Variants in PMM2 observed in about 807,000 individuals in gnomAD.
The protein encoded by PMM2 is mannose-6-phosphate isomerase.
A neutral mutation model predicts 33.2 loss-of-function variants in PMM2; 35 were observed. The ratio of observed to expected loss-of-function variants is 1.06; its 90% CI spans 0.81 to 1.40. PMM2 has a LOEUF of 1.40. PMM2 is among the 40% of genes most tolerant of loss of function. The pLI is 0.00. For synonymous variants in PMM2, 153 were observed against 114.7 expected, an observed-to-expected ratio of 1.33 and a Z score of -2.13; for missense variants, 386 against 306.0, an observed-to-expected ratio of 1.26 and a Z score of -1.95.
chr16:8,818,799 G>T (rs1472215361), intron 7 of PMM2, among the ~76,000 whole-genome samples: 4 of 152,204 alleles, frequency 2.6e-5, no homozygotes, highest in Non-Finnish European at 5.9e-5. Context: ...AAAAGCCAGT[G>T]TTTCTTAAAA....
chr16:8,803,586 T>C (rs1214439584), intron 2 of PMM2, among the ~76,000 whole-genome samples: 2 of 152,248 alleles, frequency 1.3e-5, no homozygotes, highest in African/African-American at 4.8e-5. Flanking sequence ...TTTTAACAGG[T>C]ACCTGAAGTT....
chr16:8,806,399 G>C lies in PMM2; in HGVS notation c.339G>C (p.Pro113=). Residue 113 remains proline (P), a synonymous_variant, in exon 4 of 8, where the codon CCG becomes CCC. Coordinates refer to ENST00000268261, the MANE Select transcript of PMM2 (RefSeq NM_000303.3). ...GCTACATTGCGAAAATTAAACTCCC[G>C]AAGAAGAGGTGGGTTTGCTTTTAAC... is the stretch of plus-strand genomic sequence containing the variant. ...CLSYIAKIKL[P]KKRGTFIEFR... 1.9e-6 allele frequency: 3 copies of C among 1,609,372 alleles called. No homozygotes were observed. The South Asian group carries it at 3.3e-5, about 18-fold the overall frequency.
At chr16:8,841,181 G>A (rs1456143329) in intron 7 of PMM2, among the ~76,000 whole-genome samples, 1 of 151,162 alleles carries the variant, frequency 6.6e-6, no homozygotes, top group Non-Finnish European at 1.5e-5. Context: ...AGGACTGTAA[G>A]GGATATGAAG....
chr16:8,825,444 C>T (rs547372180), intron 7 of PMM2, among the ~76,000 whole-genome samples: 2 of 151,934 alleles, frequency 1.3e-5, no homozygotes, highest in Admixed American at 1.3e-4. Context: ...TCCTGCCTCC[C>T]AAGTAGCTGG....
At chr16:8,804,656 A>C in intron 2 of PMM2, 111 bp from the exon 3 acceptor site, 1 of 763,936 alleles carries the variant, frequency 1.3e-6, no homozygotes, top group Admixed American at 2.0e-5. Flanking sequence ...ATAGTCTTTC[A>C]CAGTCCTTGC....
chr16:8,835,216 A>G (rs541737617), intron 7 of PMM2, among the ~76,000 whole-genome samples: 11,600 of 119,176 alleles, frequency 0.097, 431 homozygotes, highest in Middle Eastern at 0.22. Flanking sequence ...TTCTGACCGC[A>G]CTAACCATGC....
At chr16:8,837,950 T>C (rs1432932852) in intron 7 of PMM2, among the ~76,000 whole-genome samples, 1 of 151,856 alleles carries the variant, frequency 6.6e-6, no homozygotes, top group Non-Finnish European at 1.5e-5. Context: ...GGAATTGAAA[T>C]TAAGGGAGAG....
chr16:8,847,878 G>C lies in PMM2; in HGVS notation c.*53G>C, dbSNP rs762640350. 198 of 1,393,062 alleles carry C rather than the reference G, an allele frequency of 1.4e-4. No homozygotes were observed. The highest frequency in any genetic ancestry group is 2.0e-4 in the Middle Eastern group (1 of 5,086). The allele number at this position is 1,393,062 out of a possible 1,614,324, so 86.3% of individuals were successfully genotyped here. A position where few individuals can be genotyped will look rare whatever the true frequency, so the allele number is the denominator to read the frequency against. The stretch of plus-strand genomic sequence containing the variant: ...GCTGACAAGCCAGCATAGGGCATTC[G>C]GTGGCCAGAGCCGAGGGTCCTCCCA... On this transcript the variant is annotated 3_prime_UTR_variant, in exon 8 of 8. Coordinates refer to ENST00000268261, the MANE Select transcript of PMM2 (RefSeq NM_000303.3).
Position 8,843,698 on chromosome 16 carries a change from G to A in PMM2, c.640-4026G>A, listed in dbSNP as rs556917471. On this transcript the variant is annotated intron_variant, in intron 7 of 7. Coordinates refer to ENST00000268261, the MANE Select transcript of PMM2 (RefSeq NM_000303.3). Reference sequence around the variant, plus strand: ...CTATTATTGTACACCTTGAAGGTGAGGTTAATTAAGTCCTGTTGTGGAGTT... The same window carrying A: ...CTATTATTGTACACCTTGAAGGTGAAGTTAATTAAGTCCTGTTGTGGAGTT... Among the ~76,000 whole-genome samples the A allele has an allele frequency of 7.9e-5, 12 of 152,284 alleles. No homozygotes were observed. In the East Asian group the frequency reaches 1.7e-3, roughly 22 times the overall value.
In PMM2 at chr16:8,826,605, T is replaced by C. The variant is rs1177818526; in HGVS notation, c.639+13499T>C. ...CATCAATAATCTTTAAAACTATCTT[T>C]ATTTACCAAAGATTACTAACGTCAT... On this transcript the variant is annotated intron_variant, in intron 7 of 7. Coordinates refer to ENST00000268261, the MANE Select transcript of PMM2 (RefSeq NM_000303.3). Among the ~76,000 whole-genome samples, 4 of 152,282 alleles carry C rather than the reference T, an allele frequency of 2.6e-5. No individual in the cohort carries two copies. The East Asian group carries it at 7.7e-4, about 29-fold the overall frequency.
intron 7 of PMM2, among the ~76,000 whole-genome samples, chr16:8,821,420 T>C (rs1359447077): frequency 1.3e-5 from 2 of 152,178 alleles, no homozygotes; most frequent in East Asian, 1.9e-4. Context: ...GTCCCAGGAA[T>C]AGGACTGTGG....
chr16:8,832,134 C>T (rs1035295953), intron 7 of PMM2: 12 of 985,286 alleles, frequency 1.2e-5, no homozygotes, highest in Admixed American at 6.1e-5. Context: ...CTCTGGTATG[C>T]AAGCTCGACA....
rs886043289 is a variant in PMM2, at chr16:8,811,083, A to G, written c.352A>G (p.Thr118Ala). Residue 118 changes from threonine to alanine, a missense_variant, in exon 5 of 8, where the codon ACT (threonine) becomes GCT (alanine). Physicochemically the swap from Thr to Ala is moderately conservative, Grantham distance 58. Coordinates refer to ENST00000268261, the MANE Select transcript of PMM2 (RefSeq NM_000303.3). ...CTGTCACCCTTTCATTCCCAGGGGT[A>G]CTTTCATTGAATTCCGAAATGGGAT... ...AKIKLPKKRGTFIEFRNGMLN... is the reference protein window; with the variant it reads ...AKIKLPKKRGAFIEFRNGMLN... 2 of 1,550,430 alleles carry G rather than the reference A, an allele frequency of 1.3e-6. No individual in the cohort carries two copies. Among genetic ancestry groups the G allele is most frequent in the South Asian group, 1.2e-5 (1 of 85,410 alleles).
intron 7 of PMM2, among the ~76,000 whole-genome samples, chr16:8,836,899 C>T (rs967123714): frequency 1.3e-5 from 2 of 151,960 alleles, no homozygotes; most frequent in African/African-American, 4.8e-5. Flanking sequence ...ATGCCTTTAG[C>T]TCCAGCCACC....
intron 7 of PMM2, among the ~76,000 whole-genome samples, chr16:8,827,114 G>A (rs1202583348): frequency 6.6e-6 from 1 of 152,126 alleles, no homozygotes; most frequent in Non-Finnish European, 1.5e-5. Context: ...GATTTTGAGA[G>A]GGGTCTGTCT....
At chr16:8,823,254 G>A (rs1323551375) in intron 7 of PMM2, among the ~76,000 whole-genome samples, 3 of 152,046 alleles carry the variant, frequency 2.0e-5, no homozygotes. Flanking sequence ...AGCTTGCAGG[G>A]CCTCAGGAAA....
rs535541781 is a variant in PMM2 at position 8,848,044 on chromosome 16, G to A, written c.*219G>A. The A allele has an allele frequency of 1.0e-4, 56 of 557,990 alleles. No individual in the cohort carries two copies. Among genetic ancestry groups the A allele is most frequent in the South Asian group, 6.3e-4 (32 of 50,584 alleles). The allele number at this position is 557,990 out of a possible 1,614,324, so 34.6% of individuals were successfully genotyped here. On this transcript the variant is annotated 3_prime_UTR_variant, in exon 8 of 8. Transcript: ENST00000268261. ...CAAGAATGGCCCAGAGGAATGCCTC[G>A]CACAAAAGGTCTTCCCCACCCACCC...
intron 7 of PMM2, among the ~76,000 whole-genome samples, chr16:8,829,040 C>T (rs528471552): frequency 2.6e-5 from 4 of 152,148 alleles, no homozygotes; most frequent in African/African-American, 4.8e-5. Context: ...TGCAGTGGTG[C>T]GATCTTAGCT....
intron 7 of PMM2, among the ~76,000 whole-genome samples, chr16:8,814,531 C>A (rs1041787940): frequency 2.0e-5 from 3 of 152,222 alleles, no homozygotes; most frequent in African/African-American, 7.2e-5. Flanking sequence ...AGGGTCCCCA[C>A]GTCACAGTCT....
Sources: gnomAD v4.1 joint callset for allele counts (sites outside exome capture counted in the v4.1 genomes callset) on GRCh38, gnomAD v4.1.1 for gene constraint, MANE v1.5 for transcripts, NCBI Gene and HGNC (gene_info 2026-07-23, HGNC 2026-07-21) for gene names.